Variants in DOCK9 observed in about 807,000 individuals in gnomAD.
DOCK9 encodes the protein dedicator of cytokinesis 9.
Under a neutral mutation model 263.3 loss-of-function variants are expected in DOCK9, and 89 were observed. The observed-to-expected ratio is 0.34, with a 90% confidence interval of 0.28 to 0.40. DOCK9 has a LOEUF of 0.40. Among genes scored for constraint, DOCK9 ranks in the 10% least tolerant of loss-of-function variants. DOCK9 has a pLI of 1.00. For synonymous variants in DOCK9, 976 were observed against 973.1 expected, an observed-to-expected ratio of 1.00 and a Z score of -0.06; for missense variants, 2,140 against 2,603.4, an observed-to-expected ratio of 0.82 and a Z score of 3.87.
intron 25 of DOCK9, among the ~76,000 whole-genome samples, chr13:98,881,185 T>G (rs758113208): frequency 1.2e-4 from 18 of 152,078 alleles, no homozygotes; most frequent in Non-Finnish European, 2.2e-4. Flanking sequence ...GAGCTAACCT[T>G]CCTATCTGGG....
intron 1 of DOCK9, among the ~76,000 whole-genome samples, chr13:99,011,445 G>A (rs1884459315): frequency 6.6e-6 from 1 of 152,080 alleles, no homozygotes; most frequent in Non-Finnish European, 1.5e-5. Context: ...GACTTGGCTG[G>A]GATCAGCTAC....
chr13:98,977,785 G>C lies in DOCK9; in HGVS notation c.125C>G (p.Pro42Arg), dbSNP rs544647330. The C allele has an allele frequency of 6.2e-7, 1 of 1,611,662 alleles. No homozygotes were observed. The highest frequency in any genetic ancestry group is 2.2e-5 in the East Asian group (1 of 44,812). ...EVEAESPGPV[P>R]AKPKLIEPLD... is the part of the protein sequence containing the mutation. Reference sequence around the variant, plus strand: ...ACACTTTGTACGAGACCCTCTTACCGGCACAGGGCCCGGGCTCTCTGCTTC... The same window carrying C: ...ACACTTTGTACGAGACCCTCTTACCCGCACAGGGCCCGGGCTCTCTGCTTC... Residue 42 changes from proline to arginine, a missense_variant and splice_region_variant, in exon 1 of 53, where the codon CCG becomes CGG. Transcript: ENST00000682017.
At chr13:98,880,297 A>G (rs1266574970) in intron 26 of DOCK9, among the ~76,000 whole-genome samples, 1 of 152,008 alleles carries the variant, frequency 6.6e-6, no homozygotes, top group Non-Finnish European at 1.5e-5. Flanking sequence ...AGAATCTCTA[A>G]GTCATAGACC....
intron 2 of DOCK9, among the ~76,000 whole-genome samples, chr13:98,939,590 G>A (rs1316831791): frequency 2.6e-5 from 4 of 152,162 alleles, no homozygotes; most frequent in Admixed American, 1.3e-4. Flanking sequence ...GGCCTGGGGC[G>A]GGGGCAAGGC....
At position 98,880,907 on chromosome 13, in the gene DOCK9, G is replaced by A. The variant is rs78959662; in HGVS notation, c.2746-235C>T. 4.3e-3 allele frequency among the ~76,000 whole-genome samples: 658 copies of A among 152,284 alleles called. 4 individuals carry two copies. Among genetic ancestry groups the A allele is most frequent in the African/African-American group, 0.015 (620 of 41,556 alleles). ...GGTCAAATCAGTGACCAGCCAGCCC[G>A]TAACTCCACCTGTGCCAGGGGCTTC... is the stretch of plus-strand genomic sequence containing the variant. On this transcript the variant is annotated intron_variant, in intron 25 of 52. Coordinates refer to ENST00000682017, the MANE Select transcript of DOCK9 (RefSeq NM_001366683.2).
chr13:99,018,172 G>A (rs992757724), intron 1 of DOCK9, among the ~76,000 whole-genome samples: 1 of 152,252 alleles, frequency 6.6e-6, no homozygotes, highest in Non-Finnish European at 1.5e-5. Context: ...CAAAGTTCAT[G>A]AGTTAGAAAC....
At chr13:98,976,731 T>C (rs2060314279) in intron 1 of DOCK9, among the ~76,000 whole-genome samples, 1 of 152,198 alleles carries the variant, frequency 6.6e-6, no homozygotes, top group Admixed American at 6.5e-5. Flanking sequence ...CCATGATATT[T>C]TACTAACTTT....
intron 1 of DOCK9, among the ~76,000 whole-genome samples, chr13:99,077,731 C>T (rs2041966095): frequency 6.6e-6 from 1 of 152,182 alleles, no homozygotes; most frequent in African/African-American, 2.4e-5. Context: ...TTCCCTGCTC[C>T]TGGAGTTCGG....
At chr13:98,918,288 A>T (rs2051239230) in intron 7 of DOCK9, among the ~76,000 whole-genome samples, 1 of 152,176 alleles carries the variant, frequency 6.6e-6, no homozygotes, top group South Asian at 2.1e-4. Context: ...CACTGACGAG[A>T]CCTGGGGAAG....
chr13:98,966,868 A>C (rs2059253040), intron 1 of DOCK9, among the ~76,000 whole-genome samples: 1 of 152,208 alleles, frequency 6.6e-6, no homozygotes, highest in Non-Finnish European at 1.5e-5. Context: ...AGTTCATTAC[A>C]TCAGTACAAT....
intron 1 of DOCK9, among the ~76,000 whole-genome samples, chr13:98,975,855 G>A (rs2060222761): frequency 6.6e-6 from 1 of 152,168 alleles, no homozygotes; most frequent in Admixed American, 6.5e-5. Flanking sequence ...AAGCCCGTGG[G>A]CCACTGACAT....
chr13:98,985,164 CCT>C (rs1274103809), intron 1 of DOCK9, among the ~76,000 whole-genome samples: 4 of 152,070 alleles, frequency 2.6e-5, no homozygotes, highest in East Asian at 1.9e-4. Flanking sequence ...CCTAAAGAAA[CCT>C]CTGTTTCCAG....
chr13:98,976,252 C>T (rs913310431), intron 1 of DOCK9, among the ~76,000 whole-genome samples: 3 of 152,230 alleles, frequency 2.0e-5, no homozygotes, highest in Non-Finnish European at 4.4e-5. Context: ...GTAGCCAGCA[C>T]AGCTTTATCC....
chr13:99,015,484 G>A (rs369774662), intron 1 of DOCK9: 23 of 1,597,130 alleles, frequency 1.4e-5, no homozygotes, highest in Non-Finnish European at 2.0e-5. Context: ...ATCTTCTTTT[G>A]TCCAATTGTA....
intron 45 of DOCK9, among the ~76,000 whole-genome samples, chr13:98,818,192 T>C (rs542391099): frequency 6.6e-6 from 1 of 152,210 alleles, no homozygotes; most frequent in African/African-American, 2.4e-5. Context: ...GCTATATTAT[T>C]CAAGTTAATG....
chr13:99,033,207 A>G (rs1219186178), intron 1 of DOCK9, among the ~76,000 whole-genome samples: 1 of 152,264 alleles, frequency 6.6e-6, no homozygotes, highest in Non-Finnish European at 1.5e-5. Flanking sequence ...CATATCATTC[A>G]GGCAGGACCA....
At chr13:99,048,754 T>C (rs2040551432) in intron 1 of DOCK9, among the ~76,000 whole-genome samples, 2 of 152,256 alleles carry the variant, frequency 1.3e-5, no homozygotes, top group African/African-American at 4.8e-5. Context: ...CAGTTCTCTT[T>C]GTAACTGTAA....
At chr13:98,925,394 A>C (rs1183243668) in intron 4 of DOCK9, among the ~76,000 whole-genome samples, 2 of 151,982 alleles carry the variant, frequency 1.3e-5, no homozygotes, top group Non-Finnish European at 2.9e-5. Flanking sequence ...AAAAAAATTT[A>C]ACTGGGAAAA....
chr13:99,019,797 C>A (rs1885858466), intron 1 of DOCK9, among the ~76,000 whole-genome samples: 1 of 152,120 alleles, frequency 6.6e-6, no homozygotes, highest in African/African-American at 2.4e-5. Flanking sequence ...CTCAAAGCTG[C>A]TATTAAGAAT....
Sources: allele counts gnomAD v4.1 joint callset (sites outside exome capture counted in the v4.1 genomes callset), GRCh38; gene constraint gnomAD v4.1.1; transcripts MANE v1.5; gene names NCBI Gene and HGNC (gene_info 2026-07-23, HGNC 2026-07-21).